The following EDA variants were observed in gnomAD, a reference collection of about 807,000 sequenced individuals.
EDA encodes ectodysplasin A.
EDA carries 2 observed loss-of-function variants against 23.6 expected under a neutral mutation model. The observed-to-expected ratio is 0.08, with a 90% CI of 0.03 to 0.27. The LOEUF (loss-of-function observed/expected upper bound fraction) is 0.27. EDA is among the 10% of genes least tolerant of loss of function. EDA has a pLI of 1.00. For synonymous variants in EDA, 131 were observed against 132.0 expected (o/e 0.99, Z 0.05); for missense variants, 229 against 324.2 (o/e 0.71, Z 2.26).
chrX:70,019,691 A>G (rs2020003341), intron 2 of EDA, among the ~76,000 whole-genome samples: 2 of 112,167 alleles, frequency 1.8e-5, no homozygotes, highest in Non-Finnish European at 3.8e-5. Flanking sequence ...GGAGCTACAC[A>G]TTGAATACAT....
At chrX:69,924,150 G>A (rs995341489) in intron 1 of EDA, among the ~76,000 whole-genome samples, 2 of 111,588 alleles carry the variant, frequency 1.8e-5, no homozygotes, top group South Asian at 7.5e-4. Flanking sequence ...GTTTTGCTGT[G>A]CAGAAGCTCT....
intron 1 of EDA, among the ~76,000 whole-genome samples, chrX:69,678,607 G>A (rs760522082): frequency 9.2e-6 from 1 of 108,912 alleles, no homozygotes; most frequent in Non-Finnish European, 1.9e-5. Context: ...GTTCACTCAC[G>A]ATTTGGCTCT....
chrX:70,016,746 A>G (rs1051411714), intron 2 of EDA, among the ~76,000 whole-genome samples: 1 of 112,015 alleles, frequency 8.9e-6, no homozygotes, highest in Non-Finnish European at 1.9e-5. Context: ...CTAGATGCCC[A>G]CATCAAAAAG....
At chrX:69,955,392 A>G (rs1002602853) in intron 1 of EDA, among the ~76,000 whole-genome samples, 2 of 111,782 alleles carry the variant, frequency 1.8e-5, no homozygotes, top group Non-Finnish European at 3.8e-5. Context: ...ACATTGATTT[A>G]TTAATTTTAT....
At chrX:69,957,207 C>A in intron 2 of EDA, 75 bp downstream of exon 2, 1 of 984,799 alleles carries the variant, frequency 1.0e-6, no homozygotes, top group Non-Finnish European at 1.4e-6. Context: ...GAACTACCTT[C>A]TTGGTAGGGC....
chrX:69,963,849 A>T (rs779090688), intron 2 of EDA, among the ~76,000 whole-genome samples: 2 of 111,857 alleles, frequency 1.8e-5, no homozygotes, highest in South Asian at 7.5e-4. Flanking sequence ...TAAAATATTT[A>T]TGGGATTTTT....
At chrX:69,939,792 T>C (rs1261883977) in intron 1 of EDA, among the ~76,000 whole-genome samples, 1 of 112,123 alleles carries the variant, frequency 8.9e-6, no homozygotes, top group Admixed American at 9.4e-5. Context: ...GTTTTTATCA[T>C]GAACAGATGT....
intron 1 of EDA, among the ~76,000 whole-genome samples, chrX:69,673,623 G>T (rs188775444): frequency 8.9e-6 from 1 of 111,975 alleles, no homozygotes; most frequent in African/African-American, 3.2e-5. Flanking sequence ...AGTTATTGGT[G>T]TGAGGTGAAT....
At chrX:69,820,630 T>TA (rs1376013807) in intron 1 of EDA, among the ~76,000 whole-genome samples, 1 of 111,171 alleles carries the variant, frequency 9.0e-6, no homozygotes, top group Non-Finnish European at 1.9e-5. Flanking sequence ...CCAACAAACA[T>TA]AAAAAATGTT....
At chrX:69,935,573 G>A (rs1438931226) in intron 1 of EDA, among the ~76,000 whole-genome samples, 2 of 111,595 alleles carry the variant, frequency 1.8e-5, no homozygotes, top group Non-Finnish European at 3.8e-5. Context: ...GGACCACCCA[G>A]TTACAGCACT....
At chrX:69,929,714 G>T (rs1004689245) in intron 1 of EDA, among the ~76,000 whole-genome samples, 7 of 98,822 alleles carry the variant, frequency 7.1e-5, no homozygotes, top group African/African-American at 2.4e-4. Context: ...TTTTGTGTGT[G>T]TGTGTGTGTG....
At chrX:69,685,054 T>C (rs1220335168) in intron 1 of EDA, among the ~76,000 whole-genome samples, 2 of 112,071 alleles carry the variant, frequency 1.8e-5, no homozygotes, top group African/African-American at 6.5e-5. Context: ...TGCCAGAACA[T>C]AGAAGTGACT....
At chrX:69,903,827 GT>G (rs1240468742) in intron 1 of EDA, among the ~76,000 whole-genome samples, 2 of 110,407 alleles carry the variant, frequency 1.8e-5, no homozygotes, top group East Asian at 5.6e-4. Flanking sequence ...TTTGGTTTTT[GT>G]TTTGTTTTGA....
intron 1 of EDA, among the ~76,000 whole-genome samples, chrX:69,620,698 T>C (rs1438472658): frequency 8.9e-6 from 1 of 112,085 alleles, no homozygotes; most frequent in Non-Finnish European, 1.9e-5. Context: ...TTAGTTGTTA[T>C]TGCTGTTGTT....
chrX:69,638,423 G>T (rs1377355462), intron 1 of EDA, among the ~76,000 whole-genome samples: 2 of 111,904 alleles, frequency 1.8e-5, no homozygotes, highest in African/African-American at 3.2e-5. Context: ...GTTTTAAAAA[G>T]AACTTCCTAA....
chrX:69,918,895 G>A (rs752609194), intron 1 of EDA, among the ~76,000 whole-genome samples: 11 of 111,021 alleles, frequency 9.9e-5, no homozygotes, highest in Non-Finnish European at 1.7e-4. Context: ...AATGGCCACT[G>A]ATGATGAAAA....
chrX:69,849,108 C>T (rs868471602), intron 1 of EDA, among the ~76,000 whole-genome samples: 6 of 93,517 alleles, frequency 6.4e-5, no homozygotes, highest in Non-Finnish European at 9.1e-5. Flanking sequence ...CACACACACA[C>T]ACACACACAC....
chrX:69,705,979 AG>A (rs929024479), intron 1 of EDA, among the ~76,000 whole-genome samples: 1 of 112,266 alleles, frequency 8.9e-6, no homozygotes, highest in African/African-American at 3.2e-5. Context: ...CCTTAAACAA[AG>A]GTAAGGCTTG....
chrX:69,808,532 G>A (rs925531423), intron 1 of EDA, among the ~76,000 whole-genome samples: 34 of 111,606 alleles, frequency 3.0e-4, no homozygotes, highest in African/African-American at 1.0e-3. Flanking sequence ...ATGACTCAAA[G>A]CCTCCAACCT....
Sources: allele counts gnomAD v4.1 joint callset (sites outside exome capture counted in the v4.1 genomes callset), GRCh38; gene constraint gnomAD v4.1.1; transcripts MANE v1.5; gene names NCBI Gene and HGNC (gene_info 2026-07-23, HGNC 2026-07-21).